Variants in ATP6V1B2 observed in about 807,000 individuals in gnomAD.
ATP6V1B2 encodes V-type proton ATPase subunit B, brain isoform.
A neutral mutation model predicts 66.7 loss-of-function variants in ATP6V1B2; 23 were observed. That is an observed-to-expected ratio of 0.34 (90% CI 0.25 to 0.49). The LOEUF is 0.49. Ranked by LOEUF, ATP6V1B2 falls within the 20% of genes least tolerant of loss-of-function variation. The pLI, the probability that ATP6V1B2 is intolerant of heterozygous loss-of-function variation, is 0.99. For synonymous variants in ATP6V1B2, 278 were observed against 236.7 expected (o/e 1.17, Z -1.60); for missense variants, 478 against 650.8 (o/e 0.73, Z 2.89).
At chr8:20,197,588 T>G (rs1563797784) in intron 1 of ATP6V1B2, 46 bp downstream of exon 1, 1 of 1,326,932 alleles carries the variant, frequency 7.5e-7, no homozygotes, top group African/African-American at 1.5e-5. Context: ...CTCCCTAGCC[T>G]AGCCCTTTGC....
At chr8:20,202,387 T>A (rs556696515) in intron 1 of ATP6V1B2, among the ~76,000 whole-genome samples, 1 of 152,348 alleles carries the variant, frequency 6.6e-6, no homozygotes, top group South Asian at 2.1e-4. Flanking sequence ...TAATGATAGC[T>A]AACTCTGTCT....
At chr8:20,211,033 T>G (rs2072788129) in intron 5 of ATP6V1B2, 144 bp from the exon 6 acceptor site, 1 of 1,087,122 alleles carries the variant, frequency 9.2e-7, no homozygotes, top group Non-Finnish European at 1.3e-6. Context: ...GAAAAATAAC[T>G]GATTTTTTTT....
intron 9 of ATP6V1B2, chr8:20,213,404 T>C (rs1432373967): frequency 6.1e-6 from 1 of 165,042 alleles, no homozygotes; most frequent in Non-Finnish European, 1.3e-5. Flanking sequence ...ATCCCAGCAC[T>C]TTGGGAAGCC....
intron 1 of ATP6V1B2, among the ~76,000 whole-genome samples, chr8:20,198,163 C>T (rs890672276): frequency 6.6e-6 from 1 of 152,248 alleles, no homozygotes. Context: ...CCAACCCTAT[C>T]ATTTTACAGG....
intron 1 of ATP6V1B2, among the ~76,000 whole-genome samples, chr8:20,197,990 CG>C (rs1201360781): frequency 3.3e-5 from 5 of 152,220 alleles, no homozygotes; most frequent in African/African-American, 1.2e-4. Flanking sequence ...GGAGGGCAGA[CG>C]GTAGAGCCTT....
chr8:20,200,807 CT>C (rs1394074989), intron 1 of ATP6V1B2, among the ~76,000 whole-genome samples: 1 of 152,130 alleles, frequency 6.6e-6, no homozygotes, highest in African/African-American at 2.4e-5. Context: ...TGCTTTTTTC[CT>C]AGAACCTCTT....
intron 2 of ATP6V1B2, among the ~76,000 whole-genome samples, chr8:20,207,407 A>G (rs1295314169): frequency 6.6e-6 from 1 of 152,198 alleles, no homozygotes; most frequent in East Asian, 1.9e-4. Flanking sequence ...TAGTTACCAA[A>G]ATTCCAGATG....
rs1454308474 is a variant in ATP6V1B2 at position 20,204,620 on chromosome 8, G to A, written c.192+81G>A. ...CCTATTTAGTATACTTTAAATTTTT[G>A]TTATGATTTTTAAGCCATACTTTAG... On this transcript the variant is annotated intron_variant, in intron 2 of 13. Transcript: ENST00000276390. 9.3e-6 allele frequency: 12 copies of A among 1,283,672 alleles called. No homozygotes were observed. In the South Asian group the frequency reaches 9.4e-5, roughly 10 times the overall value. The allele number at this position is 1,283,672 out of a possible 1,614,324, so 79.5% of individuals were successfully genotyped here.
At chr8:20,213,652 TAAAG>T (rs1336328658) in intron 9 of ATP6V1B2, 4 of 152,226 alleles carry the variant, frequency 2.6e-5, no homozygotes, top group Admixed American at 2.6e-4. Context: ...ACCTGCTTCT[TAAAG>T]AAAGATTATA....
At chr8:20,210,244 CA>C in intron 3 of ATP6V1B2, 101 bp from the exon 4 acceptor site, 2 of 868,940 alleles carry the variant, frequency 2.3e-6, no homozygotes, top group South Asian at 3.3e-5. Flanking sequence ...AGTATACATT[CA>C]TGGGTTTTAC....
At chr8:20,215,080 C>G (rs1454056355) in intron 10 of ATP6V1B2, 112 bp downstream of exon 10, 1 of 1,194,592 alleles carries the variant, frequency 8.4e-7, no homozygotes, top group African/African-American at 1.6e-5. Context: ...AAGAGTTTAT[C>G]TTGGTTATTT....
chr8:20,206,961 A>T (rs1241306061), intron 2 of ATP6V1B2, among the ~76,000 whole-genome samples: 1 of 152,222 alleles, frequency 6.6e-6, no homozygotes, highest in Non-Finnish European at 1.5e-5. Context: ...TGATAATCTG[A>T]TTAATGAATC....
rs774665238 is a variant in ATP6V1B2, at chr8:20,212,163, A to C, written c.767A>C (p.Asn256Thr). Residue 256 changes from asparagine (N) to threonine (T), a missense_variant, in exon 8 of 14, where the codon AAT (asparagine) becomes ACT (threonine). Physicochemically the swap from Asn to Thr is moderately conservative, Grantham distance 65 (BLOSUM62 0). Coordinates refer to ENST00000276390, the MANE Select transcript of ATP6V1B2 (RefSeq NM_001693.4). ...TTTGAAGAAAATGGCTCAATGGACA[A>C]TGTCTGCCTCTTTTTGAACTTGGCT... ...SDFEENGSMD[N>T]VCLFLNLAND... 1 of 1,613,696 alleles carries C rather than the reference A, an allele frequency of 6.2e-7. No individual in the cohort carries two copies. Among genetic ancestry groups the C allele is most frequent in the South Asian group, 1.1e-5 (1 of 91,076 alleles).
intron 1 of ATP6V1B2, among the ~76,000 whole-genome samples, chr8:20,197,854 C>T (rs1056111342): frequency 6.6e-6 from 1 of 152,186 alleles, no homozygotes; most frequent in Non-Finnish European, 1.5e-5. Flanking sequence ...TTCCCGTCCC[C>T]GAGGGCCACT....
chr8:20,214,907 G>C lies in ATP6V1B2; in HGVS notation c.1017G>C (p.Gly339=), dbSNP rs2072836721. The C allele has an allele frequency of 6.2e-7, 1 of 1,613,496 alleles. No individual in the cohort carries two copies. The highest frequency in any genetic ancestry group is 1.3e-5 in the African/African-American group (1 of 74,842). ...TAGCCACGATATATGAACGCGCTGG[G>C]CGAGTGGAAGGGAGAAACGGCTCGA... ...TDLATIYERA[G]RVEGRNGSIT... is the part of the protein sequence containing the mutation. The change falls in exon 10 of 14, where the codon GGG becomes GGC. Residue 339 remains glycine, a synonymous_variant. Transcript: ENST00000276390.
rs1160231703 is a variant in ATP6V1B2, at chr8:20,221,194, C to G, written c.*792C>G. Reference sequence around the variant, plus strand: ...GGTACAAGATGAGAAGAAAGAAAAACCTACAGCCTTTCTACATTCTGACAT... The same window carrying G: ...GGTACAAGATGAGAAGAAAGAAAAAGCTACAGCCTTTCTACATTCTGACAT... On this transcript the variant is annotated 3_prime_UTR_variant, in exon 14 of 14. Coordinates refer to ENST00000276390, the MANE Select transcript of ATP6V1B2 (RefSeq NM_001693.4). The G allele has an allele frequency of 6.6e-6, 1 of 152,096 alleles. No homozygotes were observed. The highest frequency in any genetic ancestry group is 1.5e-5 in the Non-Finnish European group (1 of 68,002). 9.4% of individuals were successfully genotyped at this position (152,096 alleles called of 1,614,324 possible).
At chr8:20,198,402 G>A (rs577259251) in intron 1 of ATP6V1B2, among the ~76,000 whole-genome samples, 1 of 152,334 alleles carries the variant, frequency 6.6e-6, no homozygotes, top group African/African-American at 2.4e-5. Context: ...TTGTTTAAAT[G>A]TTGTGATTTT....
rs760761453 is a variant in ATP6V1B2 at position 20,217,246 on chromosome 8, C to T, written c.1188C>T (p.Pro396=). ...RQIYPPINVL[P]SLSRLMKSAI... is the part of the protein sequence containing the mutation. Reference sequence around the variant, plus strand: ...TTTATCCACCTATCAATGTGCTGCCCTCACTATCACGGTTAATGAAGTCTG... The same window carrying T: ...TTTATCCACCTATCAATGTGCTGCCTTCACTATCACGGTTAATGAAGTCTG... The change falls in exon 12 of 14, where the codon CCC becomes CCT. Residue 396 remains proline, a synonymous_variant. Coordinates refer to ENST00000276390, the MANE Select transcript of ATP6V1B2 (RefSeq NM_001693.4). The T allele has an allele frequency of 1.9e-6, 3 of 1,613,144 alleles. No homozygotes were observed. Among genetic ancestry groups the T allele is most frequent in the African/African-American group, 1.3e-5 (1 of 74,848 alleles).
intron 1 of ATP6V1B2, among the ~76,000 whole-genome samples, chr8:20,200,539 A>G (rs1381265688): frequency 6.6e-6 from 1 of 152,252 alleles, no homozygotes; most frequent in Non-Finnish European, 1.5e-5. Flanking sequence ...CTTTTAAAAG[A>G]AATGGAAAAC....
Sources: allele counts gnomAD v4.1 joint callset (sites outside exome capture counted in the v4.1 genomes callset), GRCh38; gene constraint gnomAD v4.1.1; transcripts MANE v1.5; gene names NCBI Gene and HGNC (gene_info 2026-07-23, HGNC 2026-07-21).